The following DMD variants were observed in gnomAD, a reference collection of about 807,000 sequenced individuals.
DMD encodes the protein dystrophin.
In DMD, 63 loss-of-function variants were observed where a neutral mutation model predicts 330.1. The ratio of observed to expected loss-of-function variants is 0.19; its 90% CI spans 0.16 to 0.24. DMD has a LOEUF of 0.24. Ranked by LOEUF, DMD falls within the 10% of genes least tolerant of loss-of-function variation. The pLI, the probability that DMD is intolerant of heterozygous loss-of-function variation, is 1.00. For synonymous variants in DMD, 1,223 were observed against 959.8 expected, an observed-to-expected ratio of 1.27 and a Z score of -5.07; for missense variants, 3,344 against 2,684.1, an observed-to-expected ratio of 1.25 and a Z score of -5.43.
intron 2 of DMD, among the ~76,000 whole-genome samples, chrX:33,006,136 GA>G (rs1412177506): frequency 8.9e-6 from 1 of 111,838 alleles, no homozygotes; most frequent in African/African-American, 3.2e-5. Context: ...TTCATGGATA[GA>G]AAGACTCAAT....
At chrX:32,692,591 G>A (rs755094189) in intron 9 of DMD, among the ~76,000 whole-genome samples, 375 of 111,582 alleles carry the variant, frequency 3.4e-3, no homozygotes, top group Non-Finnish European at 5.7e-3. Context: ...TGCTTTTTCT[G>A]CTTTATAAAA....
At chrX:32,468,926 G>C (rs772701492) in intron 22 of DMD, among the ~76,000 whole-genome samples, 1 of 110,680 alleles carries the variant, frequency 9.0e-6, no homozygotes, top group East Asian at 2.9e-4. Context: ...CACTCCATAT[G>C]TATTTTTCTG....
At chrX:31,626,127 G>C (rs889020736) in intron 55 of DMD, among the ~76,000 whole-genome samples, 1 of 110,461 alleles carries the variant, frequency 9.1e-6, no homozygotes, top group Non-Finnish European at 1.9e-5. Flanking sequence ...TAGGATTACA[G>C]GCGCAGGTCA....
intron 1 of DMD, among the ~76,000 whole-genome samples, chrX:33,028,857 A>C (rs1219265222): frequency 8.9e-6 from 1 of 112,106 alleles, no homozygotes; most frequent in African/African-American, 3.2e-5. Context: ...CATCTTGCTT[A>C]CACTCACACA....
At chrX:33,159,152 T>C (rs1200549639) in intron 1 of DMD, 1 of 112,160 alleles carries the variant, frequency 8.9e-6, no homozygotes, top group Non-Finnish European at 1.9e-5. Context: ...TTTACAAATA[T>C]GTTCTCATAT....
At chrX:31,541,131 A>C (rs2073780359) in intron 55 of DMD, among the ~76,000 whole-genome samples, 2 of 111,769 alleles carry the variant, frequency 1.8e-5, no homozygotes, top group African/African-American at 6.5e-5. Flanking sequence ...GTAGGTAGCT[A>C]CCGAGCAATT....
At chrX:32,413,572 C>G (rs1436174734) in intron 29 of DMD, among the ~76,000 whole-genome samples, 1 of 110,442 alleles carries the variant, frequency 9.1e-6, no homozygotes, top group Non-Finnish European at 1.9e-5. Context: ...AATATGCTAT[C>G]AGTTTCTTCA....
chrX:32,943,753 A>T (rs10126868), intron 2 of DMD, among the ~76,000 whole-genome samples: 33,622 of 111,361 alleles, frequency 0.3, 4,944 homozygotes, highest in African/African-American at 0.57. Flanking sequence ...TCATGAAATA[A>T]ATTGATTCAG....
intron 55 of DMD, among the ~76,000 whole-genome samples, chrX:31,559,408 C>T (rs1461257877): frequency 2.1e-5 from 2 of 96,733 alleles, no homozygotes; most frequent in East Asian, 3.4e-4. Flanking sequence ...TTTGGGAGGC[C>T]GAGACGGGCG....
At position 33,109,096 on chromosome X, in the gene DMD, C is replaced by T. The variant is rs73453820; in HGVS notation, c.32-88896G>A. Among the ~76,000 whole-genome samples, 792 of 109,253 alleles carry T rather than the reference C, an allele frequency of 7.2e-3. 7 individuals carry two copies. Among genetic ancestry groups the T allele is most frequent in the African/African-American group, 0.025 (757 of 30,255 alleles). 94.9% of individuals were successfully genotyped at this position (109,253 alleles called of 115,157 possible). ...CATATTTTCATTTAGTATAGTTCAT[C>T]CTGGAATATTAAGTTCCCTAGATCA... is the stretch of plus-strand genomic sequence containing the variant. On this transcript the variant is annotated intron_variant, in intron 1 of 78. Transcript: ENST00000357033.
chrX:32,686,420 G>A (rs888470663), intron 9 of DMD, among the ~76,000 whole-genome samples: 3 of 109,375 alleles, frequency 2.7e-5, no homozygotes, highest in African/African-American at 6.7e-5. Flanking sequence ...TTAGCTGGGT[G>A]TGGTGGCAGG....
chrX:33,163,628 C>CTATCTATG (rs1557282396), intron 1 of DMD, among the ~76,000 whole-genome samples: 1 of 100,082 alleles, frequency 1.0e-5, no homozygotes, highest in Non-Finnish European at 2.0e-5. Flanking sequence ...CTCTATCTAT[C>CTATCTATG]TATCTATCTA....
chrX:31,483,997 T>TAA (rs201435557), intron 57 of DMD, among the ~76,000 whole-genome samples: 3 of 109,620 alleles, frequency 2.7e-5, no homozygotes, highest in African/African-American at 1.0e-4. Context: ...CTTTATGTAG[T>TAA]AAAAAAAAAG....
intron 29 of DMD, among the ~76,000 whole-genome samples, chrX:32,413,188 C>G (rs1202416059): frequency 9.0e-6 from 1 of 110,845 alleles, no homozygotes; most frequent in African/African-American, 3.3e-5. Context: ...CAGATCTCCC[C>G]TTGATCTCCA....
chrX:32,509,744 C>T (rs1459715349), intron 18 of DMD, among the ~76,000 whole-genome samples: 2 of 111,880 alleles, frequency 1.8e-5, no homozygotes, highest in African/African-American at 6.5e-5. Context: ...ACACAGTTTT[C>T]CTCCAACTTC....
intron 37 of DMD, among the ~76,000 whole-genome samples, chrX:32,354,110 A>G (rs2097790705): frequency 9.0e-6 from 1 of 111,416 alleles, no homozygotes; most frequent in South Asian, 3.7e-4. Flanking sequence ...GCATGCACAG[A>G]TACACTAGCA....
chrX:32,340,963 G>T (rs927626569), intron 41 of DMD, among the ~76,000 whole-genome samples: 1 of 111,682 alleles, frequency 9.0e-6, no homozygotes, highest in South Asian at 3.7e-4. Context: ...AGAAAACAGT[G>T]TATTTATTAA....
intron 44 of DMD, 100 bp downstream of exon 44, chrX:32,216,816 G>A: frequency 1.3e-6 from 1 of 780,514 alleles, no homozygotes; most frequent in Non-Finnish European, 1.9e-6. Flanking sequence ...ACAGTCAAAA[G>A]TAATTTCCAT....
intron 11 of DMD, among the ~76,000 whole-genome samples, chrX:32,630,079 G>C (rs2058634103): frequency 8.9e-6 from 1 of 111,810 alleles, no homozygotes; most frequent in Admixed American, 9.5e-5. Context: ...TTTTCTTTAA[G>C]ATTGAAGAAC....
Sources: allele counts gnomAD v4.1 joint callset (sites outside exome capture counted in the v4.1 genomes callset), GRCh38; gene constraint gnomAD v4.1.1; transcripts MANE v1.5; gene names NCBI Gene and HGNC (gene_info 2026-07-23, HGNC 2026-07-21).